The following L3MBTL3 variants were observed in gnomAD, a reference collection of about 807,000 sequenced individuals.
The protein encoded by L3MBTL3 is lethal(3)malignant brain tumor-like protein 3.
L3MBTL3 carries 27 observed loss-of-function variants against 102.3 expected under a neutral mutation model. The observed-to-expected ratio is 0.26, with a 90% CI of 0.19 to 0.36. The LOEUF (loss-of-function observed/expected upper bound fraction) is 0.36, where lower values mean the gene tolerates loss of function less well. L3MBTL3 is among the 10% of genes least tolerant of loss of function. The pLI, the probability that L3MBTL3 is intolerant of heterozygous loss-of-function variation, is 1.00. For missense variants in L3MBTL3, 798 were observed against 955.3 expected (o/e 0.84, Z 2.17); for synonymous variants, 340 against 320.9 (o/e 1.06, Z -0.64).
At chr6:130,134,884 G>A (rs1432156021) in intron 22 of L3MBTL3, among the ~76,000 whole-genome samples, 3 of 152,118 alleles carry the variant, frequency 2.0e-5, no homozygotes, top group African/African-American at 4.8e-5. Context: ...TAATTTATGC[G>A]TTAGATGAAA....
intron 10 of L3MBTL3, among the ~76,000 whole-genome samples, chr6:130,061,782 C>CT (rs760926173): frequency 6.6e-6 from 1 of 151,964 alleles, no homozygotes; most frequent in East Asian, 1.9e-4. Flanking sequence ...CTGAAGAATA[C>CT]CATCATCTAA....
chr6:130,072,696 G>A (rs772299361), intron 13 of L3MBTL3, among the ~76,000 whole-genome samples: 1 of 152,096 alleles, frequency 6.6e-6, no homozygotes, highest in African/African-American at 2.4e-5. Context: ...CTCTGGGATT[G>A]TTTCGAAATC....
At chr6:130,072,643 T>C (rs1478521015) in intron 13 of L3MBTL3, among the ~76,000 whole-genome samples, 1 of 152,244 alleles carries the variant, frequency 6.6e-6, no homozygotes. Context: ...TATCAACTTA[T>C]ATCCAGTATG....
rs1292433307 is a variant in L3MBTL3 at position 130,057,458 on chromosome 6, G to C, written c.720G>C (p.Glu240Asp). ...KAWCWASYLE[E>D]EKAVAVPAKL... ...GGTGCTGGGCATCCTACCTGGAAGA[G>C]GAGAAAGCGGTGGCAGTGCCGGCGA... Residue 240 changes from glutamate to aspartate, a missense_variant, in exon 9 of 23, where the codon GAG becomes GAC. Coordinates refer to ENST00000361794, the MANE Select transcript of L3MBTL3 (RefSeq NM_032438.4). 1 of 1,611,154 alleles carries C rather than the reference G, an allele frequency of 6.2e-7. No homozygotes were observed. The highest frequency in any genetic ancestry group is 2.2e-5 in the East Asian group (1 of 44,850).
chr6:130,098,863 CTTTTTTTTTT>C lies in L3MBTL3; in HGVS notation c.1736+4508_1736+4517del, dbSNP rs11332477. Among the ~76,000 whole-genome samples, 9 of 118,516 alleles carry C rather than the reference CTTTTTTTTTT, an allele frequency of 7.6e-5. No homozygotes were observed. In the East Asian group the frequency reaches 1.7e-3, roughly 22 times the overall value. 77.8% of individuals were successfully genotyped at this position (118,516 alleles called of 152,430 possible). A position where few individuals can be genotyped will look rare whatever the true frequency, so the allele number is the denominator to read the frequency against. Reference sequence around the variant, plus strand: ...GATAGAGCCTGCCTCGTGTGTTTTTCTTTTTTTTTTTTTTTTTTTTTAACTGTTTTTTGTC... The same window carrying C: ...GATAGAGCCTGCCTCGTGTGTTTTTCTTTTTTTTTTTAACTGTTTTTTGTC... On this transcript the variant is annotated intron_variant, in intron 18 of 22. Coordinates refer to ENST00000361794, the MANE Select transcript of L3MBTL3 (RefSeq NM_032438.4).
intron 14 of L3MBTL3, among the ~76,000 whole-genome samples, chr6:130,079,988 C>T (rs1434091148): frequency 1.3e-5 from 2 of 152,286 alleles, no homozygotes; most frequent in Middle Eastern, 6.8e-3. Context: ...GCACCTATGG[C>T]TCACGCCTAT....
intron 20 of L3MBTL3, among the ~76,000 whole-genome samples, chr6:130,125,917 C>T (rs556708303): frequency 6.6e-6 from 1 of 152,174 alleles, no homozygotes; most frequent in African/African-American, 2.4e-5. Context: ...CACACACACA[C>T]CCCTCTTAAA....
chr6:130,113,226 G>C, intron 19 of L3MBTL3, among the ~76,000 whole-genome samples: 1 of 152,160 alleles, frequency 6.6e-6, no homozygotes, highest in South Asian at 2.1e-4. Flanking sequence ...TCAGGAAATG[G>C]AATTCTTGTG....
chr6:130,098,805 A>G (rs1198505955), intron 18 of L3MBTL3, among the ~76,000 whole-genome samples: 1 of 150,986 alleles, frequency 6.6e-6, no homozygotes, highest in Non-Finnish European at 1.5e-5. Flanking sequence ...CCTGCTCTTA[A>G]CTGCTGGGCA....
rs571235505 is a variant in L3MBTL3 at position 130,133,272 on chromosome 6, G to A, written c.1967-180G>A. On this transcript the variant is annotated intron_variant, in intron 20 of 22. Transcript: ENST00000361794. The surrounding 1 kb of genome is among the most constrained non-coding windows in gnomAD (Gnocchi z 4.9). ...CAAATGATATCAGTTGAATTTACAG[G>A]TTGTTTTTTATAGTGACCTTCAGTA... 5.2e-6 allele frequency: 3 copies of A among 571,490 alleles called. No individual in the cohort carries two copies. In the South Asian group the frequency reaches 7.6e-5, roughly 15 times the overall value. 35.4% of individuals were successfully genotyped at this position (571,490 alleles called of 1,614,324 possible). A position where few individuals can be genotyped will look rare whatever the true frequency, so the allele number is the denominator to read the frequency against.
At chr6:130,121,003 T>C (rs1273370369) in intron 20 of L3MBTL3, 45 bp downstream of exon 20, 1 of 1,182,280 alleles carries the variant, frequency 8.5e-7, no homozygotes, top group African/African-American at 1.5e-5. Flanking sequence ...TTACTGCTAA[T>C]ATGAAACAAT....
intron 19 of L3MBTL3, among the ~76,000 whole-genome samples, 167 bp from the exon 20 acceptor site, chr6:130,120,712 A>G (rs1786100576): frequency 6.6e-6 from 1 of 152,226 alleles, no homozygotes; most frequent in Non-Finnish European, 1.5e-5. Flanking sequence ...ATGGGCATTT[A>G]TAGGTGTTAT....
At chr6:130,058,149 C>CAAAAAAAAAAAA (rs61250078) in intron 9 of L3MBTL3, among the ~76,000 whole-genome samples, 2 of 89,148 alleles carry the variant, frequency 2.2e-5, no homozygotes, top group Non-Finnish European at 2.1e-5. Context: ...GACTCCGTCT[C>CAAAAAAAAAAAA]AAAAAAAAAA....
chr6:130,035,038 T>G (rs906427424), intron 2 of L3MBTL3, among the ~76,000 whole-genome samples: 2 of 152,234 alleles, frequency 1.3e-5, no homozygotes, highest in Non-Finnish European at 2.9e-5. Context: ...GTGACGTCTA[T>G]GCTGTAGCTT....
intron 19 of L3MBTL3, among the ~76,000 whole-genome samples, chr6:130,110,147 G>A (rs1785259760): frequency 6.6e-6 from 1 of 152,106 alleles, no homozygotes; most frequent in Non-Finnish European, 1.5e-5. Context: ...CTCCAGCTTG[G>A]TTCATTTTGC....
At chr6:130,137,127 A>G (rs187628279) in intron 22 of L3MBTL3, among the ~76,000 whole-genome samples, 2 of 152,358 alleles carry the variant, frequency 1.3e-5, no homozygotes, top group East Asian at 3.9e-4. Flanking sequence ...GAGTGAATAC[A>G]TTCATGCCTT....
intron 3 of L3MBTL3, among the ~76,000 whole-genome samples, chr6:130,046,834 G>A (rs959090354): frequency 3.3e-5 from 5 of 152,078 alleles, no homozygotes; most frequent in Non-Finnish European, 7.4e-5. Flanking sequence ...TCAGAACCTG[G>A]GTGTTTTATT....
intron 13 of L3MBTL3, among the ~76,000 whole-genome samples, chr6:130,077,861 A>G (rs572111423): frequency 2.4e-4 from 36 of 152,280 alleles, no homozygotes; most frequent in African/African-American, 7.9e-4. Flanking sequence ...TTTCCAGACT[A>G]TGTTCTGCAG....
Position 130,133,966 on chromosome 6 carries a change from G to A in L3MBTL3, c.2199+61G>A. On this transcript the variant is annotated intron_variant, in intron 22 of 22. Coordinates refer to ENST00000361794, the MANE Select transcript of L3MBTL3 (RefSeq NM_032438.4). This position sits in a 1 kb window ranked among gnomAD's most constrained non-coding sequence, Gnocchi z 4.9. ...TGGGATCAAAGCACTGAAATGCAGT[G>A]GAAGGTGAAATGTGTGGAATTGGCA... 7.5e-7 allele frequency: 1 copy of A among 1,333,694 alleles called. No individual in the cohort carries two copies. The allele number at this position is 1,333,694 out of a possible 1,614,324, so 82.6% of individuals were successfully genotyped here. A position where few individuals can be genotyped will look rare whatever the true frequency, so the allele number is the denominator to read the frequency against.
Sources: gnomAD v4.1 joint callset for allele counts (sites outside exome capture counted in the v4.1 genomes callset) on GRCh38, gnomAD v4.1.1 for gene constraint, Gnocchi (gnomAD v3.1) non-coding constraint, MANE v1.5 for transcripts, NCBI Gene and HGNC (gene_info 2026-07-23, HGNC 2026-07-21) for gene names.